Variants in POLE4 observed in about 807,000 individuals in gnomAD.
POLE4 encodes the protein DNA polymerase epsilon 4, accessory subunit.
A neutral mutation model predicts 15.6 loss-of-function variants in POLE4; 15 were observed. That is an observed-to-expected ratio of 0.96 (90% CI 0.64 to 1.48). The LOEUF is 1.48. Among genes scored for constraint, POLE4 ranks in the 40% most tolerant of loss-of-function variants. The probability of loss-of-function intolerance (pLI) is 0.00; values close to 1 mark genes in which losing one functional copy is unlikely to be tolerated. For missense variants in POLE4, 205 were observed against 151.9 expected (o/e 1.35, Z -1.84); for synonymous variants, 83 against 63.2 (o/e 1.31, Z -1.49).
chr2:74,969,376 C>T, intron 3 of POLE4, 33 bp from the exon 4 acceptor site: 1 of 1,610,744 alleles, frequency 6.2e-7, no homozygotes, highest in Non-Finnish European at 8.5e-7. Context: ...TTCTGAGGTC[C>T]CCTGATATAC....
intron 3 of POLE4, among the ~76,000 whole-genome samples, chr2:74,962,605 A>T (rs937763982): frequency 1.3e-5 from 2 of 152,144 alleles, no homozygotes; most frequent in African/African-American, 4.8e-5. Context: ...TTCTTTTTCT[A>T]AGTCATATGA....
At chr2:74,966,286 A>G (rs1055073166) in intron 3 of POLE4, among the ~76,000 whole-genome samples, 5 of 151,866 alleles carry the variant, frequency 3.3e-5, no homozygotes, top group Non-Finnish European at 7.4e-5. Flanking sequence ...ATGTGCTGTT[A>G]TTGTCATGTA....
At chr2:74,963,259 A>G (rs575515012) in intron 3 of POLE4, among the ~76,000 whole-genome samples, 61 of 152,192 alleles carry the variant, frequency 4.0e-4, no homozygotes, top group African/African-American at 1.4e-3. Flanking sequence ...GATAATTCCC[A>G]TTGCTTCTCA....
intron 3 of POLE4, chr2:74,960,459 C>T: frequency 2.1e-6 from 1 of 470,098 alleles, no homozygotes; most frequent in Non-Finnish European, 4.0e-6. Context: ...AGGCTTGCCC[C>T]CCCTCATCAT....
intron 3 of POLE4, among the ~76,000 whole-genome samples, chr2:74,966,602 A>C (rs1325799035): frequency 6.6e-6 from 1 of 152,024 alleles, no homozygotes; most frequent in Non-Finnish European, 1.5e-5. Context: ...ATGGGGTTTC[A>C]CCATGTTGAC....
chr2:74,964,737 C>T (rs979017580), intron 3 of POLE4, among the ~76,000 whole-genome samples: 3 of 152,054 alleles, frequency 2.0e-5, no homozygotes, highest in Admixed American at 6.5e-5. Flanking sequence ...ATTTGAATGA[C>T]ATATCTGTTG....
intron 3 of POLE4, among the ~76,000 whole-genome samples, chr2:74,966,361 A>G (rs1457734414): frequency 6.6e-6 from 1 of 152,132 alleles, no homozygotes; most frequent in East Asian, 1.9e-4. Context: ...AGTCAATGAT[A>G]TATGGATTTA....
At chr2:74,959,105 A>G in intron 1 of POLE4, 1 of 609,776 alleles carries the variant, frequency 1.6e-6, no homozygotes, top group Non-Finnish European at 2.9e-6. Flanking sequence ...AGTGACTTTA[A>G]TTTGTATCTC....
At chr2:74,964,071 C>T (rs7600032) in intron 3 of POLE4, among the ~76,000 whole-genome samples, 2,006 of 151,356 alleles carry the variant, frequency 0.013, 44 homozygotes, top group African/African-American at 0.046. Context: ...GGTCCAGTCT[C>T]ATTTGTGTCT....
chr2:74,967,663 C>T (rs1474309963), intron 3 of POLE4, among the ~76,000 whole-genome samples: 1 of 152,086 alleles, frequency 6.6e-6, no homozygotes, highest in Non-Finnish European at 1.5e-5. Context: ...TGTCACATGG[C>T]CTTTTATCCC....
intron 3 of POLE4, among the ~76,000 whole-genome samples, chr2:74,961,659 T>G (rs944426451): frequency 1.8e-4 from 28 of 152,210 alleles, no homozygotes; most frequent in South Asian, 2.1e-4. Flanking sequence ...TTTTCCACTC[T>G]AGCCTCTATC....
At chr2:74,960,265 T>G in intron 3 of POLE4, 119 bp downstream of exon 3, 1 of 860,914 alleles carries the variant, frequency 1.2e-6, no homozygotes, top group Non-Finnish European at 2.0e-6. Flanking sequence ...TCTCCGCACT[T>G]GCTATTAGGA....
In POLE4 at chr2:74,969,527, C is replaced by T; in HGVS notation, c.*105C>T. 2 of 989,394 alleles carry T rather than the reference C, an allele frequency of 2.0e-6. No homozygotes were observed. Among genetic ancestry groups the T allele is most frequent in the Non-Finnish European group, 1.6e-6 (1 of 610,378 alleles). The allele number at this position is 989,394 out of a possible 1,614,324, so 61.3% of individuals were successfully genotyped here. The stretch of plus-strand genomic sequence containing the variant: ...CGGAGTCTTTGCACTTACACACACT[C>T]TTCCTGTTCTGCCTTCACCTATGCC... On this transcript the variant is annotated 3_prime_UTR_variant, in exon 4 of 4. Coordinates refer to ENST00000483063, the MANE Select transcript of POLE4 (RefSeq NM_019896.4).
At chr2:74,959,210 A>T in intron 1 of POLE4, 131 bp from the exon 2 acceptor site, 1 of 644,754 alleles carries the variant, frequency 1.6e-6, no homozygotes, top group Non-Finnish European at 2.8e-6. Context: ...GTCCAGGACA[A>T]TCTTAGCTTC....
At chr2:74,962,788 T>A (rs971738953) in intron 3 of POLE4, among the ~76,000 whole-genome samples, 5 of 152,198 alleles carry the variant, frequency 3.3e-5, no homozygotes, top group Non-Finnish European at 7.3e-5. Flanking sequence ...CATTACTGTT[T>A]CCTAACTTTT....
chr2:74,965,168 A>G (rs1332631633), intron 3 of POLE4, among the ~76,000 whole-genome samples: 3 of 148,742 alleles, frequency 2.0e-5, no homozygotes, highest in Admixed American at 6.8e-5. Context: ...ATCTCAGCTC[A>G]TTGCAACCTC....
At chr2:74,965,971 A>T in intron 3 of POLE4, among the ~76,000 whole-genome samples, 1 of 151,834 alleles carries the variant, frequency 6.6e-6, no homozygotes, top group Non-Finnish European at 1.5e-5. Context: ...TTTATGTTTA[A>T]TGTAATTGGT....
intron 2 of POLE4, chr2:74,959,797 A>T: frequency 4.4e-6 from 2 of 457,628 alleles, no homozygotes; most frequent in Non-Finnish European, 7.7e-6. Flanking sequence ...CCCTGCGTCT[A>T]TTGCCACGTT....
chr2:74,959,142 G>A, intron 1 of POLE4, 199 bp from the exon 2 acceptor site: 1 of 612,598 alleles, frequency 1.6e-6, no homozygotes, highest in Admixed American at 3.0e-5. Context: ...ACTTGTAGGA[G>A]TCTTTAGTGA....
Sources: gnomAD v4.1 joint callset for allele counts (sites outside exome capture counted in the v4.1 genomes callset) on GRCh38, gnomAD v4.1.1 for gene constraint, MANE v1.5 for transcripts, NCBI Gene and HGNC (gene_info 2026-07-23, HGNC 2026-07-21) for gene names.